PODNL1: variants seen among roughly 807,000 people sequenced by gnomAD.
PODNL1 encodes podocan like 1.
PODNL1 carries 50 observed loss-of-function variants against 45.1 expected under a neutral mutation model. The observed-to-expected ratio is 1.11, with a 90% CI of 0.88 to 1.40. PODNL1 has a LOEUF of 1.40. Among genes scored for constraint, PODNL1 ranks in the 40% most tolerant of loss-of-function variants. The pLI, the probability that PODNL1 is intolerant of heterozygous loss-of-function variation, is 0.00. For missense variants in PODNL1, 788 were observed against 793.3 expected (o/e 0.99, Z 0.08); for synonymous variants, 406 against 372.5 (o/e 1.09, Z -1.04).
At chr19:13,942,379 T>G (rs979565165), upstream of PODNL1, among the ~76,000 whole-genome samples, 67 of 152,160 alleles carry the variant, frequency 4.4e-4, no homozygotes, top group African/African-American at 1.5e-3. Context: ...GCCTCAGACT[T>G]AAATCTCATT....
intron 1 of PODNL1, among the ~76,000 whole-genome samples, chr19:13,949,791 T>C (rs1972940106): frequency 6.6e-6 from 1 of 151,738 alleles, no homozygotes; most frequent in Admixed American, 6.6e-5. Context: ...CCTCCAGGGC[T>C]CGGGTGATCC....
intron 5 of PODNL1, among the ~76,000 whole-genome samples, chr19:13,935,307 G>A (rs1029043864): frequency 2.6e-5 from 4 of 152,094 alleles, no homozygotes; most frequent in Non-Finnish European, 5.9e-5. Flanking sequence ...AAGCCCTCCA[G>A]GGCAAGGCAT....
At chr19:13,951,669 G>C (rs576102984) in intron 1 of PODNL1, among the ~76,000 whole-genome samples, 3 of 152,198 alleles carry the variant, frequency 2.0e-5, no homozygotes, top group African/African-American at 7.2e-5. Flanking sequence ...AGCTACATGA[G>C]AGGCTGAGGT....
chr19:13,931,917 A>G, intron 9 of PODNL1, 30 bp from the exon 10 acceptor site: 1 of 1,231,820 alleles, frequency 8.1e-7, no homozygotes, highest in South Asian at 4.1e-5. Context: ...TGACCCTCCC[A>G]GGCCCTCCCC....
intron 5 of PODNL1, 42 bp from the exon 6 acceptor site, chr19:13,934,452 T>A: frequency 6.8e-7 from 1 of 1,460,466 alleles, no homozygotes; most frequent in South Asian, 1.4e-5. Context: ...GCCCCTCGCC[T>A]CCTACCACCC....
In PODNL1 at chr19:13,933,931, G is replaced by A. The variant is rs779435829; in HGVS notation, c.714C>T (p.Leu238=). 10 of 1,612,778 alleles carry A rather than the reference G, an allele frequency of 6.2e-6. No individual in the cohort carries two copies. Among genetic ancestry groups the A allele is most frequent in the Admixed American group, 5.0e-5 (3 of 59,856 alleles). Residue 238 remains leucine (L), a synonymous_variant, in exon 7 of 10, where the codon CTC becomes CTT. Transcript: ENST00000588872. This position sits in a 1 kb window ranked among gnomAD's most constrained non-coding sequence, Gnocchi z 5.2. ...ALSRQTQLRE[L]YLQHNQLTDS... ...CTGTCAGCTGGTTGTGCTGGAGGTA[G>A]AGCTCACGGAGTTGAGTCTGGCGGC...
intron 1 of PODNL1, chr19:13,952,925 C>G: frequency 1.2e-6 from 1 of 851,756 alleles, no homozygotes; most frequent in South Asian, 1.8e-5. Context: ...AGGGAGGCGA[C>G]CCCAGAGGCC....
intron 1 of PODNL1, among the ~76,000 whole-genome samples, chr19:13,951,981 C>T (rs1264115642): frequency 6.6e-6 from 1 of 152,224 alleles, no homozygotes; most frequent in African/African-American, 2.4e-5. Context: ...ACCCGCCCAT[C>T]GGAAACAAGC....
intron 5 of PODNL1, among the ~76,000 whole-genome samples, chr19:13,935,279 A>G (rs1348212543): frequency 1.3e-5 from 2 of 152,038 alleles, no homozygotes; most frequent in African/African-American, 4.8e-5. Context: ...CCCCAAGGCT[A>G]GGGATCTGTC....
In PODNL1 at chr19:13,936,031, C is replaced by CTCG. The variant is rs999644341; in HGVS notation, c.330_332dup (p.Asp110dup). 6.4e-6 allele frequency: 10 copies of CTCG among 1,550,980 alleles called. No individual in the cohort carries two copies. The African/African-American group carries it at 6.8e-5, about 11-fold the overall frequency. On this transcript the variant is annotated inframe_insertion, in exon 4 of 10. Transcript: ENST00000588872. ...GCAGCTGGGTGAGGGACTCGAAGGC[C>CTCG]TCGTCAGGCAGGCCTGGGAGAGTAG...
rs1327692842 is a variant in PODNL1, at chr19:13,934,260, G to A, written c.645C>T (p.His215=). ...GGACCTACAGCAGGGCTACCTGCAG[G>A]TGGAGCCGCTCGAGTGAGGGCGGCA... The part of the protein sequence containing the change: ...PSLPPSLERL[H]LQNNLISKVP... The change falls in exon 6 of 10, where the codon CAC becomes CAT. Residue 215 remains histidine (H), a synonymous_variant. Coordinates refer to ENST00000588872, the MANE Select transcript of PODNL1 (RefSeq NM_001370095.3). The A allele has an allele frequency of 4.0e-6, 6 of 1,509,438 alleles. No individual in the cohort carries two copies. The highest frequency in any genetic ancestry group is 2.7e-5 in the South Asian group (2 of 74,130). 93.5% of individuals were successfully genotyped at this position (1,509,438 alleles called of 1,614,324 possible). A position where few individuals can be genotyped will look rare whatever the true frequency, so the allele number is the denominator to read the frequency against.
At chr19:13,945,784 G>A (rs571710754) in intron 1 of PODNL1, among the ~76,000 whole-genome samples, 1 of 151,534 alleles carries the variant, frequency 6.6e-6, no homozygotes, top group East Asian at 2.0e-4. Flanking sequence ...TGCACCTGGT[G>A]TTGTAGAGGC....
intron 1 of PODNL1, among the ~76,000 whole-genome samples, chr19:13,948,139 A>AGCACT (rs1469091961): frequency 1.3e-5 from 2 of 152,010 alleles, no homozygotes; most frequent in Non-Finnish European, 2.9e-5. Flanking sequence ...GGTCTTCCAA[A>AGCACT]GCACTGAGAT....
rs1307069476 is a variant in PODNL1, at chr19:13,935,714, G to A, written c.494+7C>T. Reference sequence around the variant, plus strand: ...GGCCTGGGGGCCTGGGCTGGGCCAGGGTCTACCTGAGTGCCGGCTTCTCCC... The same window carrying A: ...GGCCTGGGGGCCTGGGCTGGGCCAGAGTCTACCTGAGTGCCGGCTTCTCCC... On this transcript the variant is annotated splice_region_variant and intron_variant, in intron 5 of 9. Coordinates refer to ENST00000588872, the MANE Select transcript of PODNL1 (RefSeq NM_001370095.3). The A allele has an allele frequency of 6.5e-7, 1 of 1,544,190 alleles. No individual in the cohort carries two copies. Among genetic ancestry groups the A allele is most frequent in the African/African-American group, 1.4e-5 (1 of 72,028 alleles).
intron 1 of PODNL1, among the ~76,000 whole-genome samples, chr19:13,948,023 T>G (rs535291149): frequency 1.0e-3 from 151 of 151,686 alleles, no homozygotes; most frequent in African/African-American, 3.5e-3. Context: ...TCATGCTAAT[T>G]TCTAAAATTT....
rs1187370011 is a variant in PODNL1, at chr19:13,938,014, G to A, written c.4-8C>T. 4.0e-6 allele frequency: 6 copies of A among 1,508,966 alleles called. No homozygotes were observed. Among genetic ancestry groups the A allele is most frequent in the Non-Finnish European group, 4.5e-6 (5 of 1,118,378 alleles). The allele number at this position is 1,508,966 out of a possible 1,614,324, so 93.5% of individuals were successfully genotyped here. A position where few individuals can be genotyped will look rare whatever the true frequency, so the allele number is the denominator to read the frequency against. ...CAGCAGCAGGCTCGGCCACTGCGGG[G>A]GAGGGAGGGTCAGCGTGTCTCCAGG... On this transcript the variant is annotated splice_polypyrimidine_tract_variant and splice_region_variant and intron_variant, in intron 1 of 9. Coordinates refer to ENST00000588872, the MANE Select transcript of PODNL1 (RefSeq NM_001370095.3).
In PODNL1 at chr19:13,933,868, C is replaced by T; in HGVS notation, c.767+10G>A. 1 of 1,588,814 alleles carries T rather than the reference C, an allele frequency of 6.3e-7. No homozygotes were observed. The highest frequency in any genetic ancestry group is 2.3e-5 in the East Asian group (1 of 43,662). On this transcript the variant is annotated intron_variant, in intron 7 of 9. Coordinates refer to ENST00000588872, the MANE Select transcript of PODNL1 (RefSeq NM_001370095.3). This position sits in a 1 kb window ranked among gnomAD's most constrained non-coding sequence, Gnocchi z 5.2. ...TTCTCAGCCCCTGCTGCCCCCCAAC[C>T]AGCCTGTACCTGAAGGTGGTGGCAT...
At chr19:13,947,922 G>T (rs926834113) in intron 1 of PODNL1, among the ~76,000 whole-genome samples, 1 of 152,046 alleles carries the variant, frequency 6.6e-6, no homozygotes, top group African/African-American at 2.4e-5. Flanking sequence ...GCAGTGGTGC[G>T]ATCATGGCTC....
At chr19:13,950,031 G>T (rs1484834033) in intron 1 of PODNL1, among the ~76,000 whole-genome samples, 2 of 151,298 alleles carry the variant, frequency 1.3e-5, no homozygotes, top group Non-Finnish European at 1.5e-5. Flanking sequence ...TACAGGCCCG[G>T]CTAATTTTCT....
Sources: gnomAD v4.1 joint callset for allele counts (sites outside exome capture counted in the v4.1 genomes callset) on GRCh38, gnomAD v4.1.1 for gene constraint, Gnocchi (gnomAD v3.1) non-coding constraint, MANE v1.5 for transcripts, NCBI Gene and HGNC (gene_info 2026-07-23, HGNC 2026-07-21) for gene names.